STRADA: variants seen among roughly 807,000 people sequenced by gnomAD.
The protein encoded by STRADA is STE20-related kinase adapter protein alpha.
In STRADA, 26 loss-of-function variants were observed where a neutral mutation model predicts 55.0. The ratio of observed to expected loss-of-function variants is 0.47; its 90% CI spans 0.35 to 0.66. The LOEUF is 0.66. Among genes scored for constraint, STRADA ranks in the 30% least tolerant of loss-of-function variants. The pLI is 0.01. For missense variants in STRADA, 443 were observed against 549.7 expected, an observed-to-expected ratio of 0.81 and a Z score of 1.94; for synonymous variants, 197 against 210.9, an observed-to-expected ratio of 0.93 and a Z score of 0.57.
chr17:63,703,795 G>T, intron 12 of STRADA, 44 bp from the exon 13 acceptor site: 1 of 1,610,296 alleles, frequency 6.2e-7, no homozygotes, highest in Non-Finnish European at 8.5e-7. Context: ...TGTTGCTCTG[G>T]GTCCCAGGAC....
intron 1 of STRADA, among the ~76,000 whole-genome samples, chr17:63,739,771 T>C (rs1262335550): frequency 8.5e-6 from 1 of 118,044 alleles, no homozygotes; most frequent in Non-Finnish European, 1.8e-5. Flanking sequence ...TATGTATATA[T>C]GTACATATAT....
chr17:63,711,828 G>A (rs911478953), intron 6 of STRADA, among the ~76,000 whole-genome samples: 3 of 152,088 alleles, frequency 2.0e-5, no homozygotes, highest in Non-Finnish European at 2.9e-5. Flanking sequence ...CCAGCTACTC[G>A]GGAAGCTTAA....
intron 8 of STRADA, among the ~76,000 whole-genome samples, chr17:63,708,029 G>A (rs1030380171): frequency 1.2e-4 from 19 of 152,090 alleles, no homozygotes; most frequent in South Asian, 4.1e-4. Flanking sequence ...GAACCACTGC[G>A]CTGGGCCCGC....
In STRADA at chr17:63,723,638, A is replaced by C. The variant is rs113275032; in HGVS notation, c.95-312T>G. 970 of 310,708 alleles carry C rather than the reference A, an allele frequency of 3.1e-3. 8 individuals carry two copies. The highest frequency in any genetic ancestry group is 0.019 in the African/African-American group (918 of 47,116). 19.2% of individuals were successfully genotyped at this position (310,708 alleles called of 1,614,324 possible). A position where few individuals can be genotyped will look rare whatever the true frequency, so the allele number is the denominator to read the frequency against. On this transcript the variant is annotated intron_variant, in intron 3 of 12. Transcript: ENST00000336174. ...GGTCATACATTTACTTGGCATCAACACACAATGTTATTATGAATAGGCCAG... is the reference window on the plus strand; with the variant it reads ...GGTCATACATTTACTTGGCATCAACCCACAATGTTATTATGAATAGGCCAG...
intron 1 of STRADA, among the ~76,000 whole-genome samples, chr17:63,728,793 C>T (rs1454746837): frequency 6.8e-6 from 1 of 147,734 alleles, no homozygotes; most frequent in Non-Finnish European, 1.5e-5. Flanking sequence ...TGTAATCCCA[C>T]CTACTTAAGA....
rs753270109 is a variant in STRADA at position 63,710,788 on chromosome 17, A to G, written c.397T>C (p.Tyr133His). ...TTGTCTGCAATAAAAGTGGCTCGAT[A>G]TGGCACGATATTGGGATGGTTGAAG... ...KLFNHPNIVP[Y>H]RATFIADNEL... is the part of the protein sequence containing the mutation. Residue 133 changes from tyrosine to histidine, a missense_variant, in exon 7 of 13, where the codon TAT (tyrosine) becomes CAT (histidine). By Grantham distance (83) the Tyr-to-His change is moderately conservative. Transcript: ENST00000336174. 3 of 1,614,186 alleles carry G rather than the reference A, an allele frequency of 1.9e-6. No individual in the cohort carries two copies. In the South Asian group the frequency reaches 3.3e-5, roughly 18 times the overall value.
At chr17:63,718,022 A>G (rs907161115) in intron 4 of STRADA, among the ~76,000 whole-genome samples, 6 of 152,102 alleles carry the variant, frequency 3.9e-5, no homozygotes, top group African/African-American at 9.7e-5. Context: ...TGCAACCTCA[A>G]TCTCCCAGGC....
intron 2 of STRADA, chr17:63,727,341 A>AT (rs2037730629): frequency 6.6e-6 from 1 of 152,344 alleles, no homozygotes; most frequent in Admixed American, 6.5e-5. Context: ...CAAGGAGCTC[A>AT]TATTTAAAAG....
intron 6 of STRADA, 128 bp from the exon 7 acceptor site, chr17:63,710,964 G>T: frequency 3.8e-6 from 3 of 787,016 alleles, no homozygotes; most frequent in Non-Finnish European, 6.0e-6. Context: ...CATGGGAACA[G>T]CCTAAGCAGG....
intron 4 of STRADA, among the ~76,000 whole-genome samples, chr17:63,716,154 G>A (rs1236617021): frequency 6.7e-6 from 1 of 149,886 alleles, no homozygotes; most frequent in Non-Finnish European, 1.5e-5. Flanking sequence ...GGAGTGCAGT[G>A]GCACGATCTT....
chr17:63,740,137 T>TAA (rs775156758), intron 1 of STRADA, among the ~76,000 whole-genome samples: 5 of 60,876 alleles, frequency 8.2e-5, no homozygotes, highest in Admixed American at 1.8e-4. Context: ...TACACATACA[T>TAA]ATATATATAT....
intron 3 of STRADA, chr17:63,723,592 G>T (rs2037454076): frequency 4.7e-6 from 2 of 429,566 alleles, no homozygotes; most frequent in East Asian, 7.4e-5. Context: ...TTACTGGATA[G>T]AACTCAACTC....
chr17:63,703,548 C>A lies in STRADA; in HGVS notation c.*51G>T. On this transcript the variant is annotated 3_prime_UTR_variant, in exon 13 of 13. Coordinates refer to ENST00000336174, the MANE Select transcript of STRADA (RefSeq NM_001003787.4). ...TGTGGCCGGCCCTCAGGAAGGGCCT[C>A]TGGGTGGCCTCTGCATCCCTGGCTG... The A allele has an allele frequency of 6.4e-7, 1 of 1,557,788 alleles. No individual in the cohort carries two copies. Among genetic ancestry groups the A allele is most frequent in the Non-Finnish European group, 8.7e-7 (1 of 1,145,460 alleles).
intron 2 of STRADA, chr17:63,727,457 C>T (rs1199034121): frequency 6.6e-6 from 1 of 152,096 alleles, no homozygotes; most frequent in Non-Finnish European, 1.5e-5. Context: ...TTCCTTTTTT[C>T]CTCTTAATTA....
intron 4 of STRADA, among the ~76,000 whole-genome samples, chr17:63,723,016 G>C (rs1393702806): frequency 1.3e-5 from 2 of 152,040 alleles, no homozygotes; most frequent in African/African-American, 4.8e-5. Context: ...ACTTTTTTGG[G>C]GGAAGGGGTG....
chr17:63,706,418 C>T lies in STRADA; in HGVS notation c.858+217G>A, dbSNP rs551319239. ...CTCCATTTGCACCCCTGCTCCCGGG[C>T]TCCCCTCCCCAAGCTGGCCTCCCTT... On this transcript the variant is annotated intron_variant, in intron 10 of 12. Coordinates refer to ENST00000336174, the MANE Select transcript of STRADA (RefSeq NM_001003787.4). 59 of 513,718 alleles carry T rather than the reference C, an allele frequency of 1.1e-4. No homozygotes were observed. In the South Asian group the frequency reaches 1.9e-3, roughly 17 times the overall value. The allele number at this position is 513,718 out of a possible 1,614,324, so 31.8% of individuals were successfully genotyped here.
Position 63,733,207 on chromosome 17 carries a change from C to A in STRADA, c.-44-4794G>T, listed in dbSNP as rs146697030. On this transcript the variant is annotated intron_variant, in intron 1 of 12. Transcript: ENST00000336174. ...CCTGCCAATGGGCACAAGCTAGACA[C>A]ACTTTTGCAAAGAGATAGGATACCC... Among the ~76,000 whole-genome samples the A allele has an allele frequency of 1.7e-4, 26 of 152,348 alleles. 1 individual carries two copies. Among genetic ancestry groups the A allele is most frequent in the Admixed American group, 8.5e-4 (13 of 15,306 alleles).
chr17:63,710,088 G>C (rs1180509529), intron 8 of STRADA, among the ~76,000 whole-genome samples: 1 of 149,096 alleles, frequency 6.7e-6, no homozygotes, highest in African/African-American at 2.5e-5. Flanking sequence ...AGGCTGGAGT[G>C]CAGTGGTGTG....
At chr17:63,733,576 T>C (rs1387437407) in intron 1 of STRADA, among the ~76,000 whole-genome samples, 2 of 152,218 alleles carry the variant, frequency 1.3e-5, no homozygotes, top group Non-Finnish European at 2.9e-5. Flanking sequence ...AGGGTTAATA[T>C]AGCAGGCCTA....
Sources: allele counts gnomAD v4.1 joint callset (sites outside exome capture counted in the v4.1 genomes callset), GRCh38; gene constraint gnomAD v4.1.1; transcripts MANE v1.5; gene names NCBI Gene and HGNC (gene_info 2026-07-23, HGNC 2026-07-21).